Variants in PCCA observed in about 807,000 individuals in gnomAD.
PCCA encodes the protein propionyl-CoA carboxylase subunit alpha.
In PCCA, 74 loss-of-function variants were observed where a neutral mutation model predicts 101.3. The ratio of observed to expected loss-of-function variants is 0.73; its 90% CI spans 0.61 to 0.89. PCCA has a LOEUF of 0.89. Among genes scored for constraint, PCCA ranks in the 40% least tolerant of loss-of-function variants. The pLI is 0.00. For synonymous variants in PCCA, 294 were observed against 313.6 expected (o/e 0.94, Z 0.66); for missense variants, 891 against 907.0 (o/e 0.98, Z 0.23).
At chr13:100,231,163 T>C (rs1164406022) in intron 7 of PCCA, among the ~76,000 whole-genome samples, 4 of 152,248 alleles carry the variant, frequency 2.6e-5, no homozygotes, top group Non-Finnish European at 5.9e-5. Flanking sequence ...AATCATTCCT[T>C]AGCTGCTGTG....
Position 100,268,742 on chromosome 13 carries a change from A to T in PCCA, c.873A>T (p.Ser291=). The T allele has an allele frequency of 6.2e-7, 1 of 1,614,182 alleles. No individual in the cohort carries two copies. Among genetic ancestry groups the T allele is most frequent in the Non-Finnish European group, 8.5e-7 (1 of 1,179,972 alleles). ...TATGGCTTAATGAAAGAGAGTGCTCAATTCAGAGAAGAAATCAGAAGGTGG... is the reference window on the plus strand; with the variant it reads ...TATGGCTTAATGAAAGAGAGTGCTCTATTCAGAGAAGAAATCAGAAGGTGG... ...NALWLNEREC[S]IQRRNQKVVE... The change falls in exon 11 of 24, where the codon TCA becomes TCT. Residue 291 remains serine (S), a synonymous_variant. Transcript: ENST00000376285.
chr13:100,395,695 G>A (rs936820656), intron 19 of PCCA, among the ~76,000 whole-genome samples: 5 of 152,124 alleles, frequency 3.3e-5, no homozygotes, highest in African/African-American at 4.8e-5. Context: ...TTCTGCCTTT[G>A]GTACAGTGTT....
At chr13:100,506,334 A>G (rs2086075609) in intron 21 of PCCA, among the ~76,000 whole-genome samples, 1 of 122,808 alleles carries the variant, frequency 8.1e-6, no homozygotes, top group African/African-American at 3.1e-5. Context: ...CAACCCCCCT[A>G]CCAGCGCTCA....
chr13:100,185,942 C>T (rs187245810), intron 6 of PCCA, among the ~76,000 whole-genome samples: 11 of 152,306 alleles, frequency 7.2e-5, no homozygotes, highest in South Asian at 2.1e-4. Flanking sequence ...CCACTGTGCC[C>T]GGCTAAATTT....
intron 20 of PCCA, among the ~76,000 whole-genome samples, chr13:100,430,220 C>T (rs889431914): frequency 3.3e-5 from 5 of 152,000 alleles, no homozygotes; most frequent in African/African-American, 9.7e-5. Flanking sequence ...GAGCTGAGAT[C>T]GCGCCATTGC....
At chr13:100,252,209 G>A (rs944145405) in intron 8 of PCCA, among the ~76,000 whole-genome samples, 1 of 152,242 alleles carries the variant, frequency 6.6e-6, no homozygotes, top group East Asian at 1.9e-4. Flanking sequence ...CCATCTAGAG[G>A]ACTGTTCAAC....
chr13:100,223,817 A>G (rs1163347339), intron 7 of PCCA, among the ~76,000 whole-genome samples: 1 of 152,034 alleles, frequency 6.6e-6, no homozygotes, highest in Non-Finnish European at 1.5e-5. Flanking sequence ...CAGAGTGTCA[A>G]CACAAAGGTT....
At chr13:100,391,394 T>C (rs1240381759) in intron 19 of PCCA, among the ~76,000 whole-genome samples, 3 of 152,134 alleles carry the variant, frequency 2.0e-5, no homozygotes, top group African/African-American at 4.8e-5. Context: ...AGGAGTTGAT[T>C]ATGGCATTAG....
intron 22 of PCCA, among the ~76,000 whole-genome samples, chr13:100,525,499 C>A (rs2087722779): frequency 6.6e-6 from 1 of 152,250 alleles, no homozygotes; most frequent in African/African-American, 2.4e-5. Flanking sequence ...CTGGCGGGGC[C>A]CAGAGTAGAG....
intron 19 of PCCA, among the ~76,000 whole-genome samples, chr13:100,369,639 T>C (rs1483452949): frequency 6.6e-6 from 1 of 152,190 alleles, no homozygotes; most frequent in Admixed American, 6.5e-5. Flanking sequence ...TCTTTAAATG[T>C]TGTGATTCAC....
chr13:100,291,241 G>A lies in PCCA; in HGVS notation c.1066-10219G>A, dbSNP rs1595147844. On this transcript the variant is annotated intron_variant, in intron 12 of 23. Coordinates refer to ENST00000376285, the MANE Select transcript of PCCA (RefSeq NM_000282.4). ...TGTGATGAACCATGATCATGCCACT[G>A]CACTGAAGCTGGGATGACAGAGCAA... Among the ~76,000 whole-genome samples, 3 of 152,222 alleles carry A rather than the reference G, an allele frequency of 2.0e-5. No homozygotes were observed. In the East Asian group the frequency reaches 5.8e-4, roughly 29 times the overall value.
chr13:100,111,932 AT>A, intron 3 of PCCA, 44 bp downstream of exon 3: 1 of 1,298,514 alleles, frequency 7.7e-7, no homozygotes, highest in Non-Finnish European at 1.1e-6. Flanking sequence ...CTCTGAAATT[AT>A]TTATTAAACC....
intron 21 of PCCA, among the ~76,000 whole-genome samples, chr13:100,482,545 C>T (rs2084024424): frequency 6.6e-6 from 1 of 152,182 alleles, no homozygotes; most frequent in Admixed American, 6.5e-5. Context: ...GCTGCTAACC[C>T]ACTTAGAAAT....
intron 12 of PCCA, among the ~76,000 whole-genome samples, chr13:100,277,357 G>A (rs997158028): frequency 5.3e-5 from 8 of 152,232 alleles, no homozygotes; most frequent in East Asian, 1.9e-4. Context: ...GGCAAATGAC[G>A]TTAGGGCAAA....
At chr13:100,500,214 A>G (rs1358578497) in intron 21 of PCCA, among the ~76,000 whole-genome samples, 1 of 152,182 alleles carries the variant, frequency 6.6e-6, no homozygotes, top group Admixed American at 6.5e-5. Context: ...AGATTGTAGT[A>G]CGGTTGAAAG....
intron 4 of PCCA, among the ~76,000 whole-genome samples, chr13:100,120,952 C>A (rs1343142547): frequency 6.6e-6 from 1 of 151,988 alleles, no homozygotes; most frequent in African/African-American, 2.4e-5. Flanking sequence ...GATATTCTTC[C>A]ATATTTAGGT....
chr13:100,154,296 T>G (rs1287217805), intron 4 of PCCA, among the ~76,000 whole-genome samples: 1 of 152,212 alleles, frequency 6.6e-6, no homozygotes, highest in Non-Finnish European at 1.5e-5. Flanking sequence ...ATAAATAGAT[T>G]TAAACATTAT....
chr13:100,413,233 A>C (rs1198302090), intron 19 of PCCA, among the ~76,000 whole-genome samples: 1 of 152,236 alleles, frequency 6.6e-6, no homozygotes, highest in Admixed American at 6.5e-5. Context: ...TAGGATTAAC[A>C]AGAAACAGCA....
intron 8 of PCCA, among the ~76,000 whole-genome samples, chr13:100,241,731 C>T (rs2152531901): frequency 6.6e-6 from 1 of 152,270 alleles, no homozygotes; most frequent in Admixed American, 6.5e-5. Flanking sequence ...TCCCAGAGTG[C>T]TGGGATTATA....
Sources: gnomAD v4.1 joint callset for allele counts (sites outside exome capture counted in the v4.1 genomes callset) on GRCh38, gnomAD v4.1.1 for gene constraint, MANE v1.5 for transcripts, NCBI Gene and HGNC (gene_info 2026-07-23, HGNC 2026-07-21) for gene names.